L3MBTL4: variants seen among roughly 807,000 people sequenced by gnomAD.
L3MBTL4 encodes L3MBTL histone methyl-lysine binding protein 4, also known as lethal(3)malignant brain tumor-like protein 4.
L3MBTL4 carries 70 observed loss-of-function variants against 84.5 expected under a neutral mutation model. The observed-to-expected ratio is 0.83, with a 90% CI of 0.68 to 1.01. The LOEUF (loss-of-function observed/expected upper bound fraction) is 1.01, where lower values mean the gene tolerates loss of function less well. Ranked by LOEUF, L3MBTL4 falls within the 50% of genes least tolerant of loss-of-function variation. The pLI, the probability that L3MBTL4 is intolerant of heterozygous loss-of-function variation, is 0.00. For synonymous variants in L3MBTL4, 274 were observed against 259.8 expected, an observed-to-expected ratio of 1.05 and a Z score of -0.52; for missense variants, 715 against 754.8, an observed-to-expected ratio of 0.95 and a Z score of 0.62.
At chr18:6,252,519 T>C (rs2047968177) in intron 5 of L3MBTL4, among the ~76,000 whole-genome samples, 2 of 152,192 alleles carry the variant, frequency 1.3e-5, no homozygotes, top group South Asian at 4.1e-4. Flanking sequence ...TTATTTTGAG[T>C]GGTTCATCTA....
At chr18:6,160,963 G>A (rs1168328629) in intron 13 of L3MBTL4, among the ~76,000 whole-genome samples, 1 of 152,130 alleles carries the variant, frequency 6.6e-6, no homozygotes, top group Non-Finnish European at 1.5e-5. Flanking sequence ...AAGTGTGACT[G>A]GGATTACAGT....
chr18:6,149,361 C>T (rs1251691693), intron 13 of L3MBTL4, among the ~76,000 whole-genome samples: 1 of 151,952 alleles, frequency 6.6e-6, no homozygotes, highest in African/African-American at 2.4e-5. Flanking sequence ...ATACATGTCC[C>T]TACAAAGGAC....
At chr18:6,347,260 T>C (rs1271849910) in intron 1 of L3MBTL4, among the ~76,000 whole-genome samples, 2 of 151,942 alleles carry the variant, frequency 1.3e-5, no homozygotes, top group African/African-American at 2.4e-5. Context: ...TACAGTATAG[T>C]AGCATTAGCT....
chr18:6,278,886 C>T (rs139790676), intron 4 of L3MBTL4, among the ~76,000 whole-genome samples: 68 of 151,840 alleles, frequency 4.5e-4, no homozygotes, highest in African/African-American at 1.6e-3. Flanking sequence ...AAACTTCTTC[C>T]ACATCTTTGG....
At chr18:6,310,602 A>G (rs955868659) in intron 3 of L3MBTL4, among the ~76,000 whole-genome samples, 1 of 152,200 alleles carries the variant, frequency 6.6e-6, no homozygotes, top group African/African-American at 2.4e-5. Context: ...TATAACCACA[A>G]ACCACACGAA....
At chr18:6,165,597 G>A (rs2043607781) in intron 13 of L3MBTL4, among the ~76,000 whole-genome samples, 1 of 152,040 alleles carries the variant, frequency 6.6e-6, no homozygotes, top group African/African-American at 2.4e-5. Context: ...ATAACTGAAG[G>A]AGAAATAAAA....
chr18:6,016,998 TGGCCCAGAGCAGAGGG>T (rs2055017310), intron 16 of L3MBTL4, among the ~76,000 whole-genome samples: 1 of 93,710 alleles, frequency 1.1e-5, no homozygotes, highest in Non-Finnish European at 1.9e-5. Flanking sequence ...GAGTGGTAAA[TGGCCCAGAGCAGAGGG>T]GGTGGTAAAT....
chr18:6,391,410 A>G (rs180744166), intron 1 of L3MBTL4, among the ~76,000 whole-genome samples: 68 of 152,190 alleles, frequency 4.5e-4, no homozygotes, highest in Admixed American at 1.4e-3. Context: ...AGCATTCCCC[A>G]TGAGACCAGA....
intron 15 of L3MBTL4, among the ~76,000 whole-genome samples, chr18:6,083,279 A>C (rs1416823960): frequency 6.6e-6 from 1 of 152,154 alleles, no homozygotes; most frequent in Non-Finnish European, 1.5e-5. Flanking sequence ...TGGGTTTCCA[A>C]AAGTCTCGAG....
At chr18:6,072,377 T>C (rs1261145475) in intron 16 of L3MBTL4, among the ~76,000 whole-genome samples, 1 of 151,780 alleles carries the variant, frequency 6.6e-6, no homozygotes, top group African/African-American at 2.4e-5. Flanking sequence ...TCCCCAAATA[T>C]CTGGAAATGA....
chr18:6,163,662 T>C (rs1161957068), intron 13 of L3MBTL4, among the ~76,000 whole-genome samples: 3 of 152,064 alleles, frequency 2.0e-5, no homozygotes. Flanking sequence ...CAACAACACA[T>C]GGAACTCAAA....
At chr18:5,985,684 A>G (rs976714264) in intron 16 of L3MBTL4, among the ~76,000 whole-genome samples, 3 of 152,190 alleles carry the variant, frequency 2.0e-5, no homozygotes, top group African/African-American at 4.8e-5. Context: ...ATGAGGGCTT[A>G]GGGAGATGAC....
At chr18:5,998,281 G>A (rs1473390342) in intron 16 of L3MBTL4, among the ~76,000 whole-genome samples, 1 of 152,168 alleles carries the variant, frequency 6.6e-6, no homozygotes, top group Non-Finnish European at 1.5e-5. Flanking sequence ...ACAAACTGCT[G>A]CCATAGCGGG....
intron 12 of L3MBTL4, among the ~76,000 whole-genome samples, chr18:6,195,909 C>T (rs141962547): frequency 1.1e-3 from 163 of 152,248 alleles, no homozygotes; most frequent in Non-Finnish European, 2.1e-3. Flanking sequence ...AGACGAGAAG[C>T]TGTGTCGGCT....
intron 12 of L3MBTL4, among the ~76,000 whole-genome samples, chr18:6,185,964 A>ATTTT (rs1209043780): frequency 2.2e-5 from 3 of 139,532 alleles, no homozygotes; most frequent in African/African-American, 8.5e-5. Context: ...CACTTTCTTT[A>ATTTT]TTTTATTTTA....
rs76570721 is a variant in L3MBTL4 at position 6,137,741 on chromosome 18, G to A, written c.1199+453C>T. On this transcript the variant is annotated intron_variant, in intron 14 of 18. Transcript: ENST00000317931. ...GATATTGTCAAATAATTAAAACATG[G>A]GCATATTCTGCAACATAACTTCACA... Among the ~76,000 whole-genome samples, 13 of 152,154 alleles carry A rather than the reference G, an allele frequency of 8.5e-5. No homozygotes were observed. The East Asian group carries it at 2.5e-3, about 29-fold the overall frequency.
chr18:6,347,008 A>G (rs1191182988), intron 1 of L3MBTL4, among the ~76,000 whole-genome samples: 1 of 152,188 alleles, frequency 6.6e-6, no homozygotes, highest in Non-Finnish European at 1.5e-5. Context: ...AAAAAGAAGG[A>G]AATCCTGCCA....
At chr18:6,122,522 C>T (rs888140341) in intron 14 of L3MBTL4, among the ~76,000 whole-genome samples, 3 of 152,244 alleles carry the variant, frequency 2.0e-5, no homozygotes, top group Admixed American at 2.0e-4. Context: ...TGCACAAGCT[C>T]TCTTTTTGCC....
At chr18:6,087,854 T>C (rs1470980637) in intron 15 of L3MBTL4, among the ~76,000 whole-genome samples, 1 of 152,222 alleles carries the variant, frequency 6.6e-6, no homozygotes, top group African/African-American at 2.4e-5. Context: ...GCAATATCAA[T>C]GTCTATATCT....
Sources: gnomAD v4.1 joint callset for allele counts (sites outside exome capture counted in the v4.1 genomes callset) on GRCh38, gnomAD v4.1.1 for gene constraint, MANE v1.5 for transcripts, NCBI Gene and HGNC (gene_info 2026-07-23, HGNC 2026-07-21) for gene names.